Variants in SCHIP1 observed in about 807,000 individuals in gnomAD.
SCHIP1 encodes the protein schwannomin interacting protein 1, also known as schwannomin-interacting protein 1.
In SCHIP1, 8 loss-of-function variants were observed where a neutral mutation model predicts 29.7. That is an observed-to-expected ratio of 0.27 (90% CI 0.16 to 0.49). The LOEUF (loss-of-function observed/expected upper bound fraction) is 0.49. SCHIP1 is among the 20% of genes least tolerant of loss of function. The pLI is 0.99. For missense variants in SCHIP1, 193 were observed against 294.6 expected (o/e 0.66, Z 2.52); for synonymous variants, 76 against 94.9 (o/e 0.80, Z 1.16).
the SCHIP1 span, among the ~76,000 whole-genome samples, chr3:159,460,421 T>C: frequency 6.6e-6 from 1 of 152,094 alleles, no homozygotes; most frequent in Non-Finnish European, 1.5e-5. Context: ...TAAATCTACC[T>C]GGAAAAGCTG....
At chr3:159,721,881 C>A in the SCHIP1 span, 1 of 428,020 alleles carries the variant, frequency 2.3e-6, no homozygotes, top group Non-Finnish European at 4.7e-6. Flanking sequence ...CAGCATCTGG[C>A]TAGAAAGCAT....
the SCHIP1 span, among the ~76,000 whole-genome samples, chr3:159,307,240 G>C: frequency 6.6e-6 from 1 of 152,200 alleles, no homozygotes; most frequent in Non-Finnish European, 1.5e-5. Flanking sequence ...ATGGCCAAGA[G>C]TACAGGGTTT....
At chr3:159,741,340 T>C in the SCHIP1 span, among the ~76,000 whole-genome samples, 1 of 152,186 alleles carries the variant, frequency 6.6e-6, no homozygotes, top group African/African-American at 2.4e-5. Context: ...ATTATAGCAG[T>C]AATTTTCAGA....
the SCHIP1 span, among the ~76,000 whole-genome samples, chr3:159,671,654 G>A: frequency 8.7e-3 from 1,319 of 152,268 alleles, 12 homozygotes; most frequent in Non-Finnish European, 8.1e-3. Flanking sequence ...GCAGTGTGGT[G>A]CAGATGCCTA....
chr3:159,358,291 G>A, the SCHIP1 span, among the ~76,000 whole-genome samples: 5 of 152,154 alleles, frequency 3.3e-5, no homozygotes, highest in Admixed American at 6.5e-5. Context: ...TTCCCAACCC[G>A]AGGGGCTCTC....
chr3:159,464,860 T>G, the SCHIP1 span, among the ~76,000 whole-genome samples: 1 of 152,308 alleles, frequency 6.6e-6, no homozygotes, highest in Non-Finnish European at 1.5e-5. Flanking sequence ...CTCTAAGCAT[T>G]TAATACTAGA....
intron 2 of SCHIP1, among the ~76,000 whole-genome samples, chr3:159,875,508 T>A (rs1000104102): frequency 2.6e-5 from 4 of 152,206 alleles, no homozygotes; most frequent in African/African-American, 9.7e-5. Flanking sequence ...AAAGAGTTTC[T>A]AGGAATTATT....
chr3:159,373,948 T>C, the SCHIP1 span, among the ~76,000 whole-genome samples: 2 of 152,196 alleles, frequency 1.3e-5, no homozygotes, highest in Non-Finnish European at 2.9e-5. Context: ...ACAAGTAAGA[T>C]TACTGGATCA....
chr3:159,640,480 G>A, the SCHIP1 span, among the ~76,000 whole-genome samples: 3 of 152,022 alleles, frequency 2.0e-5, no homozygotes, highest in Non-Finnish European at 4.4e-5. Context: ...AGGGAAGCAG[G>A]GAATGTTGGT....
rs35639147 is a variant in SCHIP1 at position 159,859,976 on chromosome 3, G to GGTGT, written c.31-6171_31-6168dup. ...ATTGGCTTAAAGAAATGTGTGACAG[G>GGTGT]GTGTGTGTGTGTGTGTGTGCGTGTG... On this transcript the variant is annotated intron_variant, in intron 1 of 6. Transcript: ENST00000445224. Among the ~76,000 whole-genome samples the GGTGT allele has an allele frequency of 2.2e-3, 323 of 150,004 alleles. 1 individual carries two copies. Among genetic ancestry groups the GGTGT allele is most frequent in the African/African-American group, 5.1e-3 (206 of 40,782 alleles).
chr3:159,750,197 A>G, the SCHIP1 span, among the ~76,000 whole-genome samples: 1 of 150,728 alleles, frequency 6.6e-6, no homozygotes, highest in East Asian at 2.0e-4. Context: ...GATTACTTCA[A>G]TACCCTTTGT....
At chr3:159,822,161 G>A in the SCHIP1 span, among the ~76,000 whole-genome samples, 1 of 152,222 alleles carries the variant, frequency 6.6e-6, no homozygotes, top group African/African-American at 2.4e-5. Flanking sequence ...ACATATGTCA[G>A]CTGAGAGCAG....
At chr3:159,680,439 GC>G in the SCHIP1 span, among the ~76,000 whole-genome samples, 1 of 144,640 alleles carries the variant, frequency 6.9e-6, no homozygotes, top group African/African-American at 2.6e-5. Flanking sequence ...AACCCGGGAG[GC>G]GGAGGTTGCA....
At chr3:159,818,858 T>C in the SCHIP1 span, among the ~76,000 whole-genome samples, 10 of 152,228 alleles carry the variant, frequency 6.6e-5, no homozygotes, top group African/African-American at 1.9e-4. Context: ...TAATTTTAAT[T>C]GAAAAAAAAT....
chr3:159,685,168 C>T, the SCHIP1 span, among the ~76,000 whole-genome samples: 3 of 152,304 alleles, frequency 2.0e-5, no homozygotes, highest in Admixed American at 1.3e-4. Flanking sequence ...TCCCTGCCCC[C>T]CAAGGAACTT....
the SCHIP1 span, among the ~76,000 whole-genome samples, chr3:159,403,517 A>G: frequency 1.3e-5 from 2 of 152,218 alleles, no homozygotes; most frequent in African/African-American, 4.8e-5. Flanking sequence ...GGGACTTCGC[A>G]TTGGAACTCT....
At chr3:159,475,725 A>G in the SCHIP1 span, among the ~76,000 whole-genome samples, 1 of 152,172 alleles carries the variant, frequency 6.6e-6, no homozygotes, top group Non-Finnish European at 1.5e-5. Flanking sequence ...TTTTTCATAT[A>G]TATGATCTCA....
the SCHIP1 span, among the ~76,000 whole-genome samples, chr3:159,539,980 C>T: frequency 1.3e-5 from 2 of 151,946 alleles, no homozygotes; most frequent in African/African-American, 4.8e-5. Flanking sequence ...TTGTTCTCTG[C>T]TCTCCCTCCC....
At chr3:159,570,714 G>C in the SCHIP1 span, among the ~76,000 whole-genome samples, 3 of 152,142 alleles carry the variant, frequency 2.0e-5, no homozygotes, top group African/African-American at 7.2e-5. Context: ...GGATGGCATT[G>C]AATCTATGAA....
Sources: gnomAD v4.1 joint callset for allele counts (sites outside exome capture counted in the v4.1 genomes callset) on GRCh38, gnomAD v4.1.1 for gene constraint, MANE v1.5 for transcripts, NCBI Gene and HGNC (gene_info 2026-07-23, HGNC 2026-07-21) for gene names.